Variants in MFSD8 observed in about 807,000 individuals in gnomAD.
MFSD8 encodes the protein major facilitator superfamily domain-containing protein 8.
Under a neutral mutation model 66.4 loss-of-function variants are expected in MFSD8, and 55 were observed. The observed-to-expected ratio is 0.83, with a 90% CI of 0.67 to 1.04. The LOEUF is 1.04. Among genes scored for constraint, MFSD8 ranks in the 50% least tolerant of loss-of-function variants. The probability of loss-of-function intolerance (pLI) is 0.00; values close to 1 mark genes in which losing one functional copy is unlikely to be tolerated. For synonymous variants in MFSD8, 202 were observed against 212.8 expected, an observed-to-expected ratio of 0.95 and a Z score of 0.44; for missense variants, 550 against 627.6, an observed-to-expected ratio of 0.88 and a Z score of 1.32.
At chr4:127,932,905 C>G in intron 8 of MFSD8, 80 bp downstream of exon 8, 1 of 1,293,242 alleles carries the variant, frequency 7.7e-7, no homozygotes, top group Non-Finnish European at 1.1e-6. Flanking sequence ...TCAATAACAT[C>G]TATATGCCTA....
Position 127,944,012 on chromosome 4 carries a change from GC to G in MFSD8, c.199-21del, listed in dbSNP as rs750044629. ...ATCAATCTGCAGAAAAAGGTACAGTGCTTTAAGAATTGTTATCCAAGAAAAG... is the reference window on the plus strand; with the variant it reads ...ATCAATCTGCAGAAAAAGGTACAGTGTTTAAGAATTGTTATCCAAGAAAAG... On this transcript the variant is annotated intron_variant, in intron 3 of 11. Transcript: ENST00000641686. 1 of 1,613,950 alleles carries G rather than the reference GC, an allele frequency of 6.2e-7. No individual in the cohort carries two copies. Among genetic ancestry groups the G allele is most frequent in the South Asian group, 1.1e-5 (1 of 91,046 alleles).
Position 127,953,543 on chromosome 4 carries a change from G to GTTTT in MFSD8, c.155-3700_155-3697dup, listed in dbSNP as rs952826538. Among the ~76,000 whole-genome samples the GTTTT allele has an allele frequency of 4.6e-4, 31 of 67,046 alleles. 1 individual carries two copies. Among genetic ancestry groups the GTTTT allele is most frequent in the Non-Finnish European group, 5.7e-4 (20 of 34,950 alleles). The allele number at this position is 67,046 out of a possible 152,430, so 44.0% of individuals were successfully genotyped here. A position where few individuals can be genotyped will look rare whatever the true frequency, so the allele number is the denominator to read the frequency against. On this transcript the variant is annotated intron_variant, in intron 2 of 11. Transcript: ENST00000641686. ...TTCTGATATTTGCACAAGGCATTCT[G>GTTTT]TTTTTTTTTTTTTTTTTTTTTTTTT... is the stretch of plus-strand genomic sequence containing the variant.
chr4:127,955,801 TA>T (rs1560773610), intron 2 of MFSD8, among the ~76,000 whole-genome samples: 1 of 152,170 alleles, frequency 6.6e-6, no homozygotes, highest in Non-Finnish European at 1.5e-5. Flanking sequence ...CAGGTATAAT[TA>T]AGACTGTATA....
intron 5 of MFSD8, among the ~76,000 whole-genome samples, chr4:127,940,715 A>C (rs1319754851): frequency 2.6e-5 from 4 of 151,906 alleles, no homozygotes; most frequent in Admixed American, 6.6e-5. Flanking sequence ...AAAGCACTCT[A>C]AAGAAATATG....
At chr4:127,949,652 T>C (rs1741615211) in intron 3 of MFSD8, 152 bp downstream of exon 3, 1 of 645,546 alleles carries the variant, frequency 1.5e-6, no homozygotes, top group Non-Finnish European at 2.6e-6. Flanking sequence ...ATGGTCACAT[T>C]ACTTATAAGC....
chr4:127,952,900 T>C (rs1336926969), intron 2 of MFSD8, among the ~76,000 whole-genome samples: 1 of 151,642 alleles, frequency 6.6e-6, no homozygotes, highest in Non-Finnish European at 1.5e-5. Context: ...AATCTAAAGT[T>C]AAAATAATTT....
intron 5 of MFSD8, 74 bp downstream of exon 5, chr4:127,941,971 G>A: frequency 8.6e-7 from 1 of 1,163,844 alleles, no homozygotes; most frequent in Non-Finnish European, 1.3e-6. Flanking sequence ...TTTATACTTG[G>A]GTTACACTGA....
chr4:127,941,379 A>G (rs534794003), intron 5 of MFSD8, among the ~76,000 whole-genome samples: 2 of 152,304 alleles, frequency 1.3e-5, no homozygotes, highest in South Asian at 4.1e-4. Flanking sequence ...GACCAATTAT[A>G]TGGTTTTTCA....
At position 127,942,113 on chromosome 4, in the gene MFSD8, A is replaced by C. The variant is rs1401572357; in HGVS notation, c.485T>G (p.Leu162Arg). Residue 162 changes from leucine (L) to arginine (R), a missense_variant, in exon 5 of 12, where the codon CTT becomes CGT. Leu to Arg is a moderately radical substitution (Grantham distance 102). Coordinates refer to ENST00000641686, the MANE Select transcript of MFSD8 (RefSeq NM_001371596.2). ...VRSYTAGATS[L>R]QERTSSMANI... ...TGCCATGGAACTTGTTCTTTCCTGAAGGGAAGTAGCACCAGCAGTATATGA... is the reference window on the plus strand; with the variant it reads ...TGCCATGGAACTTGTTCTTTCCTGACGGGAAGTAGCACCAGCAGTATATGA... 6.2e-7 allele frequency: 1 copy of C among 1,613,934 alleles called. No individual in the cohort carries two copies. The highest frequency in any genetic ancestry group is 8.5e-7 in the Non-Finnish European group (1 of 1,179,970).
In MFSD8 at chr4:127,949,814, T is replaced by TA; in HGVS notation, c.187dup (p.Tyr63LeufsTer6). Reference sequence around the variant, plus strand: ...TTGAAATGTACAAACCTTTTGGAGATATGGCCATATGGACATCATCACTAC... The same window carrying TA: ...TTGAAATGTACAAACCTTTTGGAGATAATGGCCATATGGACATCATCACTAC... On this transcript the variant is annotated frameshift_variant, in exon 3 of 12. Transcript: ENST00000641686. LOFTEE classifies it high-confidence loss of function. 1 of 1,612,144 alleles carries TA rather than the reference T, an allele frequency of 6.2e-7. No individual in the cohort carries two copies. The highest frequency in any genetic ancestry group is 8.5e-7 in the Non-Finnish European group (1 of 1,178,948).
intron 7 of MFSD8, chr4:127,933,401 G>A (rs377731276): frequency 5.8e-5 from 14 of 243,194 alleles, no homozygotes; most frequent in Admixed American, 1.0e-4. Flanking sequence ...GTACTACCAC[G>A]CCCAGCTAAT....
chr4:127,952,599 G>A (rs1023641063), intron 2 of MFSD8, among the ~76,000 whole-genome samples: 1 of 152,124 alleles, frequency 6.6e-6, no homozygotes, highest in Non-Finnish European at 1.5e-5. Context: ...GCCAGGCACA[G>A]TGGATGATGC....
chr4:127,937,964 T>G (rs1236839036), intron 7 of MFSD8, among the ~76,000 whole-genome samples: 1 of 152,208 alleles, frequency 6.6e-6, no homozygotes, highest in East Asian at 1.9e-4. Flanking sequence ...AATTAGTACC[T>G]AAATAACAGG....
chr4:127,923,182 G>C (rs1212696842), intron 9 of MFSD8, among the ~76,000 whole-genome samples: 1 of 152,184 alleles, frequency 6.6e-6, no homozygotes, highest in Non-Finnish European at 1.5e-5. Context: ...GGAGAGGTGA[G>C]AGAGGGTATC....
At chr4:127,938,568 G>A (rs1739473746) in intron 7 of MFSD8, among the ~76,000 whole-genome samples, 2 of 143,848 alleles carry the variant, frequency 1.4e-5, no homozygotes, top group Admixed American at 1.4e-4. Flanking sequence ...GGGCGACAGA[G>A]CGAAACTCTG....
In MFSD8 at chr4:127,933,107, G is replaced by T. The variant is rs755400215; in HGVS notation, c.755-14C>A. The stretch of plus-strand genomic sequence containing the variant: ...CATCTGTACTTGCTATAGGGAAATA[G>T]GAGAAAAATTACATTACCTATACAT... On this transcript the variant is annotated splice_polypyrimidine_tract_variant and intron_variant, in intron 7 of 11. Coordinates refer to ENST00000641686, the MANE Select transcript of MFSD8 (RefSeq NM_001371596.2). 3.1e-6 allele frequency: 5 copies of T among 1,597,162 alleles called. No individual in the cohort carries two copies. Among genetic ancestry groups the T allele is most frequent in the Admixed American group, 1.7e-5 (1 of 59,956 alleles).
In MFSD8 at chr4:127,930,784, G is replaced by A. The variant is rs747352043; in HGVS notation, c.897C>T (p.Ala299=). ...ATAACACAGCTTGTTCTTGAGTCCA[G>A]GCATACATATCCATTGTTAATGGAG... ...IITPLTMDMY[A]WTQEQAVLYN... Residue 299 remains alanine (A), a synonymous_variant, in exon 9 of 12, where the codon GCC becomes GCT. Transcript: ENST00000641686. 60 of 1,611,644 alleles carry A rather than the reference G, an allele frequency of 3.7e-5. No individual in the cohort carries two copies. Among genetic ancestry groups the A allele is most frequent in the Non-Finnish European group, 5.0e-5 (59 of 1,179,180 alleles).
intron 7 of MFSD8, among the ~76,000 whole-genome samples, chr4:127,937,253 T>G (rs550604105): frequency 6.6e-5 from 10 of 152,346 alleles, no homozygotes; most frequent in Admixed American, 5.2e-4. Context: ...ATTTTTTAGT[T>G]GTTCTAGAGT....
intron 1 of MFSD8, among the ~76,000 whole-genome samples, chr4:127,960,144 A>C (rs1006770743): frequency 1.3e-5 from 2 of 152,236 alleles, no homozygotes; most frequent in Admixed American, 6.5e-5. Context: ...AAATACTCCA[A>C]ATGATAGCAT....
Sources: gnomAD v4.1 joint callset for allele counts (sites outside exome capture counted in the v4.1 genomes callset) on GRCh38, gnomAD v4.1.1 for gene constraint, MANE v1.5 for transcripts, NCBI Gene and HGNC (gene_info 2026-07-23, HGNC 2026-07-21) for gene names.